Variants in MINDY2 observed in about 807,000 individuals in gnomAD.
MINDY2 encodes ubiquitin carboxyl-terminal hydrolase MINDY-2.
MINDY2 carries 52 observed loss-of-function variants against 68.2 expected under a neutral mutation model. The ratio of observed to expected loss-of-function variants is 0.76; its 90% CI spans 0.61 to 0.96. The LOEUF (loss-of-function observed/expected upper bound fraction) is 0.96, where lower values mean the gene tolerates loss of function less well. Ranked by LOEUF, MINDY2 falls within the 40% of genes least tolerant of loss-of-function variation. MINDY2 has a pLI of 0.00. For synonymous variants in MINDY2, 372 were observed against 303.0 expected (o/e 1.23, Z -2.36); for missense variants, 881 against 773.4 (o/e 1.14, Z -1.65).
At chr15:58,798,391 C>T (rs940961147) in intron 2 of MINDY2, among the ~76,000 whole-genome samples, 11 of 151,582 alleles carry the variant, frequency 7.3e-5, no homozygotes, top group African/African-American at 2.2e-4. Flanking sequence ...TCTCAAAGTG[C>T]TGGGACTACA....
chr15:58,845,606 A>C (rs2032490836), intron 6 of MINDY2, among the ~76,000 whole-genome samples: 1 of 152,220 alleles, frequency 6.6e-6, no homozygotes, highest in Non-Finnish European at 1.5e-5. Flanking sequence ...TGGGAATATA[A>C]ATGAGTACAA....
chr15:58,772,832 A>T (rs1323169480), intron 1 of MINDY2, among the ~76,000 whole-genome samples: 1 of 152,190 alleles, frequency 6.6e-6, no homozygotes, highest in Non-Finnish European at 1.5e-5. Flanking sequence ...CATGATTTTT[A>T]CTTGCCTCAT....
chr15:58,806,301 T>C (rs1903004545), intron 3 of MINDY2, among the ~76,000 whole-genome samples: 1 of 151,772 alleles, frequency 6.6e-6, no homozygotes, highest in South Asian at 2.1e-4. Context: ...CTCGAACTCC[T>C]GGCCTCAAGT....
chr15:58,772,510 T>C (rs1170124234), intron 1 of MINDY2, among the ~76,000 whole-genome samples: 13 of 152,250 alleles, frequency 8.5e-5, no homozygotes, highest in Admixed American at 5.2e-4. Flanking sequence ...ACTTAGAGCA[T>C]CTTAAATCTT....
In MINDY2 at chr15:58,838,070, A is replaced by G. The variant is rs537038967; in HGVS notation, c.1368+6154A>G. 3.3e-5 allele frequency among the ~76,000 whole-genome samples: 5 copies of G among 151,838 alleles called. No individual in the cohort carries two copies. In the East Asian group the frequency reaches 9.7e-4, roughly 29 times the overall value. ...TCTTTCTCTTTGGAACATCTATCGC[A>G]TAAATACATTTCATCCCACAGAATT... On this transcript the variant is annotated intron_variant, in intron 6 of 8. Transcript: ENST00000559228.
intron 4 of MINDY2, among the ~76,000 whole-genome samples, chr15:58,816,625 T>C (rs916422832): frequency 6.6e-6 from 1 of 152,030 alleles, no homozygotes; most frequent in Admixed American, 6.6e-5. Context: ...TGACAGAGAA[T>C]AGAGGCCTAA....
At chr15:58,819,453 C>T (rs998384777) in intron 4 of MINDY2, among the ~76,000 whole-genome samples, 1 of 152,128 alleles carries the variant, frequency 6.6e-6, no homozygotes, top group Non-Finnish European at 1.5e-5. Flanking sequence ...GATCACACCA[C>T]TGCACTCCAG....
intron 6 of MINDY2, among the ~76,000 whole-genome samples, chr15:58,834,713 A>T (rs1466974653): frequency 2.0e-5 from 3 of 152,210 alleles, no homozygotes; most frequent in African/African-American, 7.2e-5. Flanking sequence ...ATTTTTTTCT[A>T]AATGAAAGTG....
rs1335957355 is a variant in MINDY2 at position 58,771,586 on chromosome 15, C to T, written c.191C>T (p.Pro64Leu). Residue 64 changes from proline to leucine, a missense_variant, in exon 1 of 9, where the codon CCG becomes CTG. Pro to Leu is a moderately conservative substitution (Grantham distance 98, BLOSUM62 -3). Transcript: ENST00000559228. ...GCGGCGGCCGCCAGGAGGAGCCTCCCGGACTCGGCTTCTCCCGCGGGCTCT... is the reference window on the plus strand; with the variant it reads ...GCGGCGGCCGCCAGGAGGAGCCTCCTGGACTCGGCTTCTCCCGCGGGCTCT... ...LGAAAARRSL[P>L]DSASPAGSPE... 2 of 1,611,616 alleles carry T rather than the reference C, an allele frequency of 1.2e-6. No homozygotes were observed. The highest frequency in any genetic ancestry group is 2.2e-5 in the East Asian group (1 of 44,878).
chr15:58,784,290 C>T lies in MINDY2; in HGVS notation c.841-3616C>T, dbSNP rs191168031. Among the ~76,000 whole-genome samples the T allele has an allele frequency of 1.6e-4, 24 of 152,114 alleles. No homozygotes were observed. The East Asian group carries it at 4.3e-3, about 27-fold the overall frequency. Reference sequence around the variant, plus strand: ...GCAGTGTGCCATGATCCTGCCACTGCGATCCAGCCTGGAGGACAGTGAGAA... The same window carrying T: ...GCAGTGTGCCATGATCCTGCCACTGTGATCCAGCCTGGAGGACAGTGAGAA... On this transcript the variant is annotated intron_variant, in intron 1 of 8. Coordinates refer to ENST00000559228, the MANE Select transcript of MINDY2 (RefSeq NM_001040450.3).
Position 58,859,907 on chromosome 15 carries a change from A to C in MINDY2, c.*5297A>C, listed in dbSNP as rs1293203641. The C allele has an allele frequency of 6.6e-6, 1 of 152,190 alleles. No individual in the cohort carries two copies. Among genetic ancestry groups the C allele is most frequent in the Non-Finnish European group, 1.5e-5 (1 of 68,010 alleles). 9.4% of individuals were successfully genotyped at this position (152,190 alleles called of 1,614,324 possible). A position where few individuals can be genotyped will look rare whatever the true frequency, so the allele number is the denominator to read the frequency against. On this transcript the variant is annotated 3_prime_UTR_variant, in exon 9 of 9. Coordinates refer to ENST00000559228, the MANE Select transcript of MINDY2 (RefSeq NM_001040450.3). ...ATTCTTCAACTATTGCCTCAAGTTC[A>C]GTTTTGTCCTATTGTCCTGAGAAAG... is the stretch of plus-strand genomic sequence containing the variant.
intron 1 of MINDY2, among the ~76,000 whole-genome samples, chr15:58,781,430 A>G (rs1397033977): frequency 1.3e-5 from 2 of 152,226 alleles, no homozygotes; most frequent in Non-Finnish European, 2.9e-5. Flanking sequence ...GTGCATATAA[A>G]ATAAGACATT....
intron 6 of MINDY2, among the ~76,000 whole-genome samples, chr15:58,839,425 C>T (rs1021840860): frequency 1.3e-5 from 2 of 151,530 alleles, no homozygotes; most frequent in African/African-American, 2.4e-5. Flanking sequence ...TCCACCTCCC[C>T]GGTTCAAGTG....
At chr15:58,791,215 T>TTATATATA (rs57998049) in intron 2 of MINDY2, among the ~76,000 whole-genome samples, 1,565 of 78,850 alleles carry the variant, frequency 0.02, 65 homozygotes, top group Non-Finnish European at 0.035. Flanking sequence ...GAAAGCAATT[T>TTATATATA]TATATATATA....
rs777362398 is a variant in MINDY2 at position 58,771,444 on chromosome 15, G to A, written c.49G>A (p.Ala17Thr). ...GCAGCCGCTAGAACACGGGGTGGCG[G>A]CCGGGCCAGCGTCAGGGACAGGTTC... is the stretch of plus-strand genomic sequence containing the variant. ...SLQPLEHGVA[A>T]GPASGTGSSQ... Residue 17 changes from alanine to threonine, a missense_variant, in exon 1 of 9, where the codon GCC (alanine) becomes ACC (threonine). Physicochemically the swap from Ala to Thr is moderately conservative, Grantham distance 58. Coordinates refer to ENST00000559228, the MANE Select transcript of MINDY2 (RefSeq NM_001040450.3). 1.2e-6 allele frequency: 2 copies of A among 1,612,300 alleles called. No individual in the cohort carries two copies. Among genetic ancestry groups the A allele is most frequent in the Admixed American group, 1.7e-5 (1 of 60,000 alleles).
chr15:58,812,662 C>G (rs2030374190), intron 4 of MINDY2, among the ~76,000 whole-genome samples: 1 of 152,122 alleles, frequency 6.6e-6, no homozygotes, highest in African/African-American at 2.4e-5. Context: ...GAATTCAAGA[C>G]TAGCCTGGGC....
chr15:58,835,167 A>C (rs1290597511), intron 6 of MINDY2, among the ~76,000 whole-genome samples: 1 of 152,204 alleles, frequency 6.6e-6, no homozygotes, highest in Non-Finnish European at 1.5e-5. Context: ...AGGACCTCGT[A>C]GTTTGACAAG....
intron 6 of MINDY2, among the ~76,000 whole-genome samples, chr15:58,833,729 CCT>C (rs1310691372): frequency 6.6e-6 from 1 of 152,052 alleles, no homozygotes; most frequent in Non-Finnish European, 1.5e-5. Context: ...GCGGTTTTCC[CCT>C]GTCTCAGTAG....
At chr15:58,790,239 T>TTTA (rs1333747443) in intron 2 of MINDY2, among the ~76,000 whole-genome samples, 1 of 152,196 alleles carries the variant, frequency 6.6e-6, no homozygotes, top group Non-Finnish European at 1.5e-5. Flanking sequence ...TCTTTTTATT[T>TTTA]TTATTATTAT....
Sources: allele counts gnomAD v4.1 joint callset (sites outside exome capture counted in the v4.1 genomes callset), GRCh38; gene constraint gnomAD v4.1.1; transcripts MANE v1.5; gene names NCBI Gene and HGNC (gene_info 2026-07-23, HGNC 2026-07-21).